FARS2: variants seen among roughly 807,000 people sequenced by gnomAD.
FARS2 encodes phenylalanyl-tRNA synthetase 2, mitochondrial, also known as phenylalanine--tRNA ligase, mitochondrial.
Under a neutral mutation model 46.4 loss-of-function variants are expected in FARS2, and 40 were observed. The ratio of observed to expected loss-of-function variants is 0.86; its 90% CI spans 0.67 to 1.12. The LOEUF (loss-of-function observed/expected upper bound fraction) is 1.12, where lower values mean the gene tolerates loss of function less well. FARS2 is among the 50% of genes most tolerant of loss of function. The probability of loss-of-function intolerance (pLI) is 0.00; values close to 1 mark genes in which losing one functional copy is unlikely to be tolerated. For missense variants in FARS2, 513 were observed against 567.9 expected, an observed-to-expected ratio of 0.90 and a Z score of 0.98; for synonymous variants, 234 against 214.9, an observed-to-expected ratio of 1.09 and a Z score of -0.78.
chr6:5,425,703 A>G (rs1351503593), intron 3 of FARS2, among the ~76,000 whole-genome samples: 1 of 152,134 alleles, frequency 6.6e-6, no homozygotes, highest in Non-Finnish European at 1.5e-5. Context: ...GGCTCATGTC[A>G]CTGTCCTGGA....
chr6:5,297,714 A>G (rs1767995786), intron 1 of FARS2, among the ~76,000 whole-genome samples: 2 of 152,168 alleles, frequency 1.3e-5, no homozygotes, highest in Non-Finnish European at 2.9e-5. Flanking sequence ...AACGAAACTA[A>G]GCTTTGCATA....
At chr6:5,287,025 A>G (rs550850454) in intron 1 of FARS2, among the ~76,000 whole-genome samples, 1 of 152,336 alleles carries the variant, frequency 6.6e-6, no homozygotes, top group African/African-American at 2.4e-5. Context: ...GAGCATGGCC[A>G]TTGCCCCGTG....
At chr6:5,271,688 G>A (rs1053427179) in intron 1 of FARS2, among the ~76,000 whole-genome samples, 4 of 146,898 alleles carry the variant, frequency 2.7e-5, no homozygotes, top group African/African-American at 7.6e-5. Context: ...TCAGCCTCCC[G>A]AGTAGCTGGG....
At chr6:5,518,600 A>C (rs572471014) in intron 4 of FARS2, among the ~76,000 whole-genome samples, 1 of 152,336 alleles carries the variant, frequency 6.6e-6, no homozygotes, top group African/African-American at 2.4e-5. Flanking sequence ...ATATATGAAT[A>C]TATATGACTG....
chr6:5,451,788 A>C (rs150990377), intron 4 of FARS2: 1 of 152,226 alleles, frequency 6.6e-6, no homozygotes, highest in Non-Finnish European at 1.5e-5. Context: ...GGTAACAATC[A>C]GCTGGTATTA....
chr6:5,580,049 T>C (rs1490875540), intron 5 of FARS2, among the ~76,000 whole-genome samples: 4 of 151,894 alleles, frequency 2.6e-5, no homozygotes, highest in Non-Finnish European at 4.4e-5. Flanking sequence ...CCCAACACTT[T>C]AGGAGGCCTA....
intron 1 of FARS2, among the ~76,000 whole-genome samples, chr6:5,286,047 T>C (rs1421939252): frequency 3.3e-5 from 3 of 92,214 alleles, no homozygotes; most frequent in African/African-American, 1.8e-4. Context: ...TTATGTCTCT[T>C]TCTCCAGGAT....
chr6:5,729,845 C>T (rs747732255), intron 6 of FARS2, among the ~76,000 whole-genome samples: 12 of 152,196 alleles, frequency 7.9e-5, no homozygotes, highest in South Asian at 2.1e-4. Flanking sequence ...CTAAGAGCCA[C>T]CTTTGAAAAC....
chr6:5,471,330 G>T lies in FARS2; in HGVS notation c.904+40158G>T, dbSNP rs922779266. On this transcript the variant is annotated intron_variant, in intron 4 of 6. Transcript: ENST00000274680. The surrounding 1 kb of genome is among the most constrained non-coding windows in gnomAD (Gnocchi z 4.1). ...TCTTGGGGAAACTGGGTATAAGAGG[G>T]AATTTCCTGAGACTCCATAGCAAGA... Among the ~76,000 whole-genome samples the T allele has an allele frequency of 6.6e-6, 1 of 152,124 alleles. No individual in the cohort carries two copies. Among genetic ancestry groups the T allele is most frequent in the Non-Finnish European group, 1.5e-5 (1 of 68,018 alleles).
chr6:5,279,301 C>T (rs1437131252), intron 1 of FARS2, among the ~76,000 whole-genome samples: 3 of 148,640 alleles, frequency 2.0e-5, no homozygotes, highest in Non-Finnish European at 4.4e-5. Context: ...CACTTGAACC[C>T]GGGAGGCGGA....
At chr6:5,570,457 G>A (rs944657559) in intron 5 of FARS2, among the ~76,000 whole-genome samples, 2 of 151,970 alleles carry the variant, frequency 1.3e-5, no homozygotes, top group South Asian at 2.1e-4. Context: ...CTTTAATATT[G>A]TATTACCATA....
rs138031579 is a variant in FARS2 at position 5,587,509 on chromosome 6, C to G, written c.1066-25660C>G. ...CCCATAATTACAAGTTTTCATTCATCTTGCTTTAGAAGCCATCTTTCCACC... is the reference window on the plus strand; with the variant it reads ...CCCATAATTACAAGTTTTCATTCATGTTGCTTTAGAAGCCATCTTTCCACC... On this transcript the variant is annotated intron_variant, in intron 5 of 6. Coordinates refer to ENST00000274680, the MANE Select transcript of FARS2 (RefSeq NM_006567.5). 8.1e-3 allele frequency among the ~76,000 whole-genome samples: 1,239 copies of G among 152,272 alleles called. 13 individuals carry two copies. The highest frequency in any genetic ancestry group is 0.029 in the African/African-American group (1,195 of 41,552).
intron 4 of FARS2, among the ~76,000 whole-genome samples, chr6:5,544,339 G>T (rs1265935422): frequency 5.3e-5 from 8 of 152,208 alleles, no homozygotes; most frequent in African/African-American, 1.9e-4. Flanking sequence ...CACAAGGCAT[G>T]TGCATGCGGG....
chr6:5,563,344 GA>G, intron 5 of FARS2, among the ~76,000 whole-genome samples: 1 of 152,324 alleles, frequency 6.6e-6, no homozygotes, highest in East Asian at 1.9e-4. Context: ...AACATGTGGG[GA>G]AAGGACAAGA....
chr6:5,645,700 G>A (rs771259888), intron 6 of FARS2, among the ~76,000 whole-genome samples: 4 of 152,200 alleles, frequency 2.6e-5, no homozygotes, highest in East Asian at 3.8e-4. Flanking sequence ...GGGTCCAGTC[G>A]AATCCTGCTT....
chr6:5,611,530 A>T (rs1000230740), intron 5 of FARS2, among the ~76,000 whole-genome samples: 18 of 152,194 alleles, frequency 1.2e-4, no homozygotes, highest in Non-Finnish European at 2.2e-4. Context: ...AAAAAAACAA[A>T]GGCCACTAGT....
intron 4 of FARS2, among the ~76,000 whole-genome samples, chr6:5,476,284 CGT>C (rs1582216149): frequency 1.3e-5 from 2 of 152,220 alleles, no homozygotes; most frequent in East Asian, 3.9e-4. Context: ...CCCTTTGAGT[CGT>C]GTTTTCTATT....
intron 2 of FARS2, among the ~76,000 whole-genome samples, chr6:5,382,535 G>A (rs983672994): frequency 1.3e-5 from 2 of 152,266 alleles, no homozygotes; most frequent in East Asian, 1.9e-4. Flanking sequence ...TTTACACACA[G>A]TAAAGTCATC....
intron 2 of FARS2, among the ~76,000 whole-genome samples, chr6:5,386,373 C>T (rs1760135223): frequency 6.6e-6 from 1 of 152,096 alleles, no homozygotes; most frequent in Admixed American, 6.5e-5. Flanking sequence ...TGCTATGTAA[C>T]TTTTATAATT....
Sources: allele counts gnomAD v4.1 joint callset (sites outside exome capture counted in the v4.1 genomes callset), GRCh38; gene constraint gnomAD v4.1.1; non-coding constraint Gnocchi (gnomAD v3.1); transcripts MANE v1.5; gene names NCBI Gene and HGNC (gene_info 2026-07-23, HGNC 2026-07-21).